RGS8: variants seen among roughly 807,000 people sequenced by gnomAD.
RGS8 encodes the protein regulator of G-protein signaling 8.
RGS8 carries 8 observed loss-of-function variants against 21.7 expected under a neutral mutation model. The ratio of observed to expected loss-of-function variants is 0.37; its 90% CI spans 0.22 to 0.66. RGS8 has a LOEUF of 0.66. RGS8 is among the 30% of genes least tolerant of loss of function. The pLI is 0.59. For missense variants in RGS8, 157 were observed against 217.9 expected (o/e 0.72, Z 1.76); for synonymous variants, 80 against 83.6 (o/e 0.96, Z 0.24).
the RGS8 span, among the ~76,000 whole-genome samples, chr1:182,691,589 T>G: frequency 1.1e-5 from 1 of 94,938 alleles, no homozygotes; most frequent in African/African-American, 4.0e-5. Context: ...TTCAATAAAA[T>G]TCAACATCCC....
At chr1:182,676,685 C>T (rs553369539), upstream of RGS8, among the ~76,000 whole-genome samples, 29 of 152,222 alleles carry the variant, frequency 1.9e-4, no homozygotes, top group Non-Finnish European at 3.2e-4. Context: ...TCAGAGGGGA[C>T]ATGGAGAAAA....
the RGS8 span, among the ~76,000 whole-genome samples, chr1:182,737,519 T>G: frequency 6.6e-6 from 1 of 152,030 alleles, no homozygotes; most frequent in African/African-American, 2.4e-5. Flanking sequence ...TCTTACGAGA[T>G]CTGATGGTTT....
At chr1:182,711,755 T>C in the RGS8 span, among the ~76,000 whole-genome samples, 1 of 152,186 alleles carries the variant, frequency 6.6e-6, no homozygotes, top group African/African-American at 2.4e-5. Flanking sequence ...TGGCCCCAGA[T>C]ACTGGCTAAG....
At chr1:182,749,467 C>T in the RGS8 span, among the ~76,000 whole-genome samples, 3 of 152,152 alleles carry the variant, frequency 2.0e-5, no homozygotes, top group Non-Finnish European at 4.4e-5. Context: ...ATACCACACA[C>T]TGTACCATGT....
At chr1:182,646,862 G>A in exon 7 of RGS8, 2 of 1,614,158 alleles carry the variant, frequency 1.2e-6, no homozygotes, top group Non-Finnish European at 1.7e-6. Flanking sequence ...GCAAGTCAGG[G>A]ATGGCTCCTG....
At chr1:182,692,087 A>C in the RGS8 span, among the ~76,000 whole-genome samples, 5,461 of 151,438 alleles carry the variant, frequency 0.036, 128 homozygotes, top group Admixed American at 0.045. Context: ...CTCACTGCAA[A>C]CTCTGCCTCC....
chr1:182,681,774 AC>A (rs1664542838), intron 1 of RGS8, among the ~76,000 whole-genome samples: 2 of 152,250 alleles, frequency 1.3e-5, no homozygotes, highest in Admixed American at 1.3e-4. Context: ...ACTCCGATGC[AC>A]GGAGATGCTG....
chr1:182,737,481 C>T, the RGS8 span, among the ~76,000 whole-genome samples: 7,935 of 151,952 alleles, frequency 0.052, 239 homozygotes, highest in Middle Eastern at 0.071. Context: ...CAGGTTTTTC[C>T]CAGGCTGTTC....
chr1:182,695,398 A>C, the RGS8 span, among the ~76,000 whole-genome samples: 3 of 152,182 alleles, frequency 2.0e-5, no homozygotes, highest in Non-Finnish European at 2.9e-5. Flanking sequence ...CCATTTTAGC[A>C]CACTCAGAGC....
chr1:182,657,517 C>G (rs1433543344), intron 5 of RGS8, among the ~76,000 whole-genome samples: 4 of 152,170 alleles, frequency 2.6e-5, no homozygotes, highest in Non-Finnish European at 5.9e-5. Flanking sequence ...CTGCTCCCTC[C>G]CCAAGCCCAG....
chr1:182,719,553 C>A, the RGS8 span, among the ~76,000 whole-genome samples: 1 of 150,926 alleles, frequency 6.6e-6, no homozygotes, highest in Non-Finnish European at 1.5e-5. Context: ...ACCTCAGCCT[C>A]CTGAGTAGGT....
chr1:182,678,503 A>G (rs1338323111), intron 1 of RGS8, among the ~76,000 whole-genome samples: 1 of 152,246 alleles, frequency 6.6e-6, no homozygotes, highest in Non-Finnish European at 1.5e-5. Flanking sequence ...ACTCCTAGAC[A>G]TCACCTACAG....
the RGS8 span, among the ~76,000 whole-genome samples, chr1:182,700,372 A>G: frequency 1.2e-3 from 178 of 152,288 alleles, 2 homozygotes; most frequent in Non-Finnish European, 8.8e-4. Flanking sequence ...GCTAGTCTAC[A>G]GTGTGTTACT....
rs1222409933 is a variant in RGS8, at chr1:182,684,097, A to C, written n.221+259T>G. On this transcript the variant is annotated intron_variant and non_coding_transcript_variant, in intron 1 of 4. Transcript: ENST00000515211. The surrounding 1 kb of genome is among the most constrained non-coding windows in gnomAD (Gnocchi z 4.2). ...GAGGAGTTAGGGTTGAGGAAGGAGG[A>C]TGGAGAACACAAAGGACATTTGAGG... Among the ~76,000 whole-genome samples the C allele has an allele frequency of 6.6e-6, 1 of 152,344 alleles. No homozygotes were observed. Among genetic ancestry groups the C allele is most frequent in the South Asian group, 2.1e-4 (1 of 4,828 alleles).
intron 5 of RGS8, among the ~76,000 whole-genome samples, chr1:182,664,816 GA>G (rs1663774247): frequency 6.6e-6 from 1 of 152,148 alleles, no homozygotes; most frequent in South Asian, 2.1e-4. Context: ...CTTATTCTTA[GA>G]TTTTGCATTT....
chr1:182,741,313 G>GA, the RGS8 span, among the ~76,000 whole-genome samples: 2 of 3,842 alleles, frequency 5.2e-4, no homozygotes, highest in Non-Finnish European at 1.3e-3. Flanking sequence ...GTGGGGGGCT[G>GA]ACCCCCCACC....
At chr1:182,700,323 C>T in the RGS8 span, among the ~76,000 whole-genome samples, 51 of 152,318 alleles carry the variant, frequency 3.3e-4, no homozygotes, top group African/African-American at 1.2e-3. Flanking sequence ...TAACCACTCA[C>T]CCCAACATGA....
chr1:182,713,111 C>A, the RGS8 span, among the ~76,000 whole-genome samples: 1 of 152,210 alleles, frequency 6.6e-6, no homozygotes, highest in Non-Finnish European at 1.5e-5. Context: ...GGGTGGCTCA[C>A]TCGAAGATAC....
intron 5 of RGS8, among the ~76,000 whole-genome samples, chr1:182,657,126 C>G (rs1374155277): frequency 6.6e-6 from 1 of 151,150 alleles, no homozygotes; most frequent in Admixed American, 6.6e-5. Context: ...CTTATGTGAC[C>G]AAGCAAACAA....
Sources: allele counts gnomAD v4.1 joint callset (sites outside exome capture counted in the v4.1 genomes callset), GRCh38; gene constraint gnomAD v4.1.1; non-coding constraint Gnocchi (gnomAD v3.1); transcripts MANE v1.5; gene names NCBI Gene and HGNC (gene_info 2026-07-23, HGNC 2026-07-21).